The following MMS22L variants were observed in gnomAD, a reference collection of about 807,000 sequenced individuals.
The protein encoded by MMS22L is protein MMS22-like.
MMS22L carries 74 observed loss-of-function variants against 159.1 expected under a neutral mutation model. The ratio of observed to expected loss-of-function variants is 0.47; its 90% CI spans 0.39 to 0.56. The LOEUF (loss-of-function observed/expected upper bound fraction) is 0.56, where lower values mean the gene tolerates loss of function less well. MMS22L is among the 20% of genes least tolerant of loss of function. The pLI is 0.00. For missense variants in MMS22L, 1,351 were observed against 1,422.1 expected (o/e 0.95, Z 0.80); for synonymous variants, 517 against 506.9 (o/e 1.02, Z -0.27).
intron 4 of MMS22L, among the ~76,000 whole-genome samples, chr6:97,278,327 C>CG (rs1163881131): frequency 1.0e-4 from 15 of 150,030 alleles, no homozygotes; most frequent in African/African-American, 3.7e-4. Context: ...CACTTGAACC[C>CG]GGGGGGCAGA....
At chr6:97,164,471 T>C (rs1463248942) in intron 21 of MMS22L, among the ~76,000 whole-genome samples, 1 of 151,982 alleles carries the variant, frequency 6.6e-6, no homozygotes, top group African/African-American at 2.4e-5. Flanking sequence ...AGTTAAAGGA[T>C]ATAGACTTAG....
At chr6:97,230,575 T>A (rs1810753177) in intron 13 of MMS22L, 1 of 152,166 alleles carries the variant, frequency 6.6e-6, no homozygotes, top group South Asian at 2.1e-4. Flanking sequence ...TGACATATAG[T>A]ATGTGTCTAA....
chr6:97,218,475 G>A (rs552233239), intron 14 of MMS22L, among the ~76,000 whole-genome samples: 3 of 152,202 alleles, frequency 2.0e-5, no homozygotes, highest in African/African-American at 7.2e-5. Context: ...AGTCTTTCAT[G>A]TAAAAAATAC....
rs59258093 is a variant in MMS22L, at chr6:97,153,364, C to CTTT, written c.3386-1500_3386-1498dup. ...TAACCTACTTTCTGTCTCTACAGAT[C>CTTT]TTTTTTTTTTTTTTTTTTTTTTTTT... On this transcript the variant is annotated intron_variant, in intron 22 of 24. Coordinates refer to ENST00000683635, the MANE Select transcript of MMS22L (RefSeq NM_001350599.2). Among the ~76,000 whole-genome samples, 300 of 78,098 alleles carry CTTT rather than the reference C, an allele frequency of 3.8e-3. 7 individuals carry two copies. Among genetic ancestry groups the CTTT allele is most frequent in the African/African-American group, 0.012 (211 of 18,116 alleles). 51.2% of individuals were successfully genotyped at this position (78,098 alleles called of 152,430 possible).
intron 3 of MMS22L, among the ~76,000 whole-genome samples, chr6:97,280,326 TATTA>T (rs892299373): frequency 1.3e-5 from 2 of 152,104 alleles, no homozygotes; most frequent in Non-Finnish European, 2.9e-5. Context: ...CTTTAATTTT[TATTA>T]ATTGAGATGA....
intron 11 of MMS22L, among the ~76,000 whole-genome samples, chr6:97,234,515 C>G (rs545247291): frequency 2.0e-5 from 3 of 152,018 alleles, no homozygotes; most frequent in Non-Finnish European, 4.4e-5. Flanking sequence ...ACGATATAAC[C>G]ATGCATATAT....
At chr6:97,271,173 T>C (rs982725356) in intron 6 of MMS22L, 3 of 152,102 alleles carry the variant, frequency 2.0e-5, no homozygotes, top group Non-Finnish European at 4.4e-5. Context: ...GAAAGATGCT[T>C]TTTATTTTAT....
intron 14 of MMS22L, among the ~76,000 whole-genome samples, chr6:97,187,022 G>GAAAACATTTTTT (rs1554261481): frequency 6.6e-5 from 10 of 151,076 alleles, no homozygotes; most frequent in Admixed American, 5.9e-4. Context: ...ATCTAGACAT[G>GAAAACATTTTTT]AAAACAATTT....
At chr6:97,243,988 T>G (rs1276196328) in intron 11 of MMS22L, among the ~76,000 whole-genome samples, 1 of 152,212 alleles carries the variant, frequency 6.6e-6, no homozygotes, top group Non-Finnish European at 1.5e-5. Context: ...TGAAATGGAC[T>G]CTGTGAGGAT....
At chr6:97,188,975 T>A (rs1347713699) in intron 14 of MMS22L, among the ~76,000 whole-genome samples, 1 of 150,550 alleles carries the variant, frequency 6.6e-6, no homozygotes, top group African/African-American at 2.4e-5. Flanking sequence ...AATTTAAAAA[T>A]AATAATAATA....
At chr6:97,247,864 G>A (rs1451250473) in intron 10 of MMS22L, among the ~76,000 whole-genome samples, 2 of 152,142 alleles carry the variant, frequency 1.3e-5, no homozygotes, top group Non-Finnish European at 2.9e-5. Context: ...GATCAATAAA[G>A]TGTTAAAGCA....
At position 97,246,642 on chromosome 6, in the gene MMS22L, A is replaced by G; in HGVS notation, c.1168T>C (p.Ser390Pro). 2.5e-6 allele frequency: 4 copies of G among 1,611,662 alleles called. No individual in the cohort carries two copies. Among genetic ancestry groups the G allele is most frequent in the Non-Finnish European group, 3.4e-6 (4 of 1,178,866 alleles). Residue 390 changes from serine to proline, a missense_variant, in exon 11 of 25, where the codon TCC (serine) becomes CCC (proline). Coordinates refer to ENST00000683635, the MANE Select transcript of MMS22L (RefSeq NM_001350599.2). ...TAATTGCATACCTGAACACTGATGG[A>G]CTTTTTCAGCAGTTCTTCTACAAAG... ...WNFVEELLKKSISVQGVILEE... is the reference protein window; with the variant it reads ...WNFVEELLKKPISVQGVILEE...
chr6:97,214,777 A>G (rs1808805828), intron 14 of MMS22L, among the ~76,000 whole-genome samples: 1 of 150,962 alleles, frequency 6.6e-6, no homozygotes, highest in African/African-American at 2.4e-5. Context: ...ATGCAGCATA[A>G]GCCACATAAT....
At chr6:97,226,559 A>G (rs1423495866) in intron 14 of MMS22L, among the ~76,000 whole-genome samples, 1 of 151,984 alleles carries the variant, frequency 6.6e-6, no homozygotes, top group African/African-American at 2.4e-5. Flanking sequence ...GCGCCACTGC[A>G]CTCCAGCTCG....
At chr6:97,147,288 T>C (rs1800967129) in intron 24 of MMS22L, among the ~76,000 whole-genome samples, 1 of 152,198 alleles carries the variant, frequency 6.6e-6, no homozygotes, top group African/African-American at 2.4e-5. Context: ...AATAGACCTG[T>C]GTAGCAATTT....
chr6:97,212,777 C>A (rs1347787998), intron 14 of MMS22L, among the ~76,000 whole-genome samples: 1 of 152,112 alleles, frequency 6.6e-6, no homozygotes, highest in African/African-American at 2.4e-5. Flanking sequence ...GTATGATTCA[C>A]ACATACGAAA....
chr6:97,184,472 C>T (rs549865123), intron 15 of MMS22L, among the ~76,000 whole-genome samples: 30 of 152,134 alleles, frequency 2.0e-4, no homozygotes, highest in African/African-American at 6.3e-4. Flanking sequence ...CTTAACATGC[C>T]TACTTGGATT....
At chr6:97,226,040 T>G (rs1324303825) in intron 14 of MMS22L, among the ~76,000 whole-genome samples, 1 of 152,184 alleles carries the variant, frequency 6.6e-6, no homozygotes, top group Non-Finnish European at 1.5e-5. Context: ...ATACACCAAT[T>G]CATTCTTAAG....
At chr6:97,171,887 A>G (rs1803583394) in intron 19 of MMS22L, among the ~76,000 whole-genome samples, 1 of 152,200 alleles carries the variant, frequency 6.6e-6, no homozygotes, top group South Asian at 2.1e-4. Context: ...GAAATCATTA[A>G]GTTACCTATC....
Sources: gnomAD v4.1 joint callset for allele counts (sites outside exome capture counted in the v4.1 genomes callset) on GRCh38, gnomAD v4.1.1 for gene constraint, MANE v1.5 for transcripts, NCBI Gene and HGNC (gene_info 2026-07-23, HGNC 2026-07-21) for gene names.